The following GPHN variants were observed in gnomAD, a reference collection of about 807,000 sequenced individuals.
GPHN encodes the protein gephyrin.
In GPHN, 17 loss-of-function variants were observed where a neutral mutation model predicts 95.5. The observed-to-expected ratio is 0.18, with a 90% CI of 0.12 to 0.27. The LOEUF is 0.27. Ranked by LOEUF, GPHN falls within the 10% of genes least tolerant of loss-of-function variation. The pLI is 1.00. For synonymous variants in GPHN, 320 were observed against 322.5 expected (o/e 0.99, Z 0.08); for missense variants, 660 against 978.1 (o/e 0.67, Z 4.34).
chr14:66,609,792 G>GA, intron 1 of GPHN, among the ~76,000 whole-genome samples: 1 of 152,002 alleles, frequency 6.6e-6, no homozygotes, highest in Admixed American at 6.6e-5. Context: ...AGTTCAGTTC[G>GA]GTTCTTTTTA....
chr14:66,972,115 A>G (rs1201081573), intron 9 of GPHN, among the ~76,000 whole-genome samples: 1 of 151,954 alleles, frequency 6.6e-6, no homozygotes, highest in African/African-American at 2.4e-5. Context: ...TGAAAACACA[A>G]AAATTAGCCA....
intron 1 of GPHN, among the ~76,000 whole-genome samples, chr14:66,539,903 G>A (rs926222110): frequency 6.6e-6 from 1 of 152,068 alleles, no homozygotes; most frequent in African/African-American, 2.4e-5. Context: ...TAAGCACTCT[G>A]GTGTCTTAAA....
At chr14:67,455,494 T>A in the GPHN span, among the ~76,000 whole-genome samples, 1 of 152,196 alleles carries the variant, frequency 6.6e-6, no homozygotes, top group Non-Finnish European at 1.5e-5. Flanking sequence ...AACTATGTGC[T>A]CCTATCTTGT....
chr14:66,781,771 C>A (rs59055931), intron 3 of GPHN, among the ~76,000 whole-genome samples: 1,710 of 152,200 alleles, frequency 0.011, 33 homozygotes, highest in African/African-American at 0.039. Flanking sequence ...ACTGAGACAT[C>A]CTACTGTTGA....
At chr14:66,714,550 G>C (rs1488345608) in intron 2 of GPHN, among the ~76,000 whole-genome samples, 1 of 152,082 alleles carries the variant, frequency 6.6e-6, no homozygotes, top group East Asian at 1.9e-4. Context: ...TCCTTGTCTT[G>C]TTCCAGTTCT....
At chr14:66,525,483 G>T (rs1358849907) in intron 1 of GPHN, among the ~76,000 whole-genome samples, 1 of 152,144 alleles carries the variant, frequency 6.6e-6, no homozygotes. Flanking sequence ...CTGTGCAGAT[G>T]CTCTTTAGTT....
At chr14:67,471,001 G>A in the GPHN span, 6 of 152,314 alleles carry the variant, frequency 3.9e-5, no homozygotes, top group Middle Eastern at 3.4e-3. Flanking sequence ...TCCCTGGTGA[G>A]ATCTGAACCT....
chr14:67,350,383 G>A, the GPHN span, among the ~76,000 whole-genome samples: 2 of 152,126 alleles, frequency 1.3e-5, no homozygotes, highest in African/African-American at 4.8e-5. Context: ...AACGTTAAAT[G>A]AAAATGGACT....
intron 1 of GPHN, among the ~76,000 whole-genome samples, chr14:66,643,406 T>A (rs959882037): frequency 6.6e-6 from 1 of 152,140 alleles, no homozygotes; most frequent in South Asian, 2.1e-4. Context: ...AAGGAAAGTT[T>A]GCTTAAGTTT....
At chr14:66,768,695 C>G (rs2059052962) in intron 2 of GPHN, among the ~76,000 whole-genome samples, 1 of 151,736 alleles carries the variant, frequency 6.6e-6, no homozygotes, top group Non-Finnish European at 1.5e-5. Flanking sequence ...GCTTTAGTAC[C>G]CCACTTTCAA....
At chr14:67,672,748 T>G in the GPHN span, among the ~76,000 whole-genome samples, 41 of 152,244 alleles carry the variant, frequency 2.7e-4, no homozygotes, top group Non-Finnish European at 4.4e-4. Flanking sequence ...CTGCCTGCAG[T>G]CTACTTTTCA....
At chr14:67,733,876 G>A in the GPHN span, 2 of 1,527,828 alleles carry the variant, frequency 1.3e-6, no homozygotes, top group Non-Finnish European at 9.1e-7. Context: ...GCTTTATCAG[G>A]CCCAATCCAT....
At chr14:67,228,623 C>G in the GPHN span, 1 of 152,176 alleles carries the variant, frequency 6.6e-6, no homozygotes, top group Non-Finnish European at 1.5e-5. Context: ...TTAAAGGAAG[C>G]TAGAGGATTA....
chr14:67,492,064 C>T, the GPHN span, among the ~76,000 whole-genome samples: 1 of 152,176 alleles, frequency 6.6e-6, no homozygotes, highest in South Asian at 2.1e-4. Context: ...GGCCACCTGT[C>T]CTTTCCCTCT....
chr14:66,702,701 G>GA (rs557437536), intron 2 of GPHN, among the ~76,000 whole-genome samples: 72 of 152,228 alleles, frequency 4.7e-4, no homozygotes, highest in African/African-American at 1.7e-3. Flanking sequence ...AGATGAGAAA[G>GA]AATCAATGAA....
chr14:66,855,743 T>A (rs981817827), intron 4 of GPHN, among the ~76,000 whole-genome samples: 2 of 152,126 alleles, frequency 1.3e-5, no homozygotes, highest in Admixed American at 6.5e-5. Context: ...ATACTATAGA[T>A]AAAGAACTAT....
At chr14:67,025,268 T>C (rs1248312387) in intron 10 of GPHN, among the ~76,000 whole-genome samples, 2 of 152,212 alleles carry the variant, frequency 1.3e-5, no homozygotes, top group African/African-American at 4.8e-5. Context: ...TGTCTGTCCT[T>C]GTCATTTTTT....
the GPHN span, chr14:67,349,172 T>G: frequency 1.4e-6 from 2 of 1,426,730 alleles, no homozygotes; most frequent in Non-Finnish European, 9.8e-7. Flanking sequence ...ACCCACTGGA[T>G]AGTTTTAACA....
chr14:67,478,855 C>G, the GPHN span, among the ~76,000 whole-genome samples: 6 of 152,216 alleles, frequency 3.9e-5, no homozygotes, highest in Admixed American at 3.9e-4. Context: ...CTGGATTCAT[C>G]TGAACGCCAG....
Sources: allele counts gnomAD v4.1 joint callset (sites outside exome capture counted in the v4.1 genomes callset), GRCh38; gene constraint gnomAD v4.1.1; transcripts MANE v1.5; gene names NCBI Gene and HGNC (gene_info 2026-07-23, HGNC 2026-07-21).